The following F7 variants were observed in gnomAD, a reference collection of about 807,000 sequenced individuals.
F7 encodes FVII coagulation protein.
A neutral mutation model predicts 47.5 loss-of-function variants in F7; 38 were observed. That is an observed-to-expected ratio of 0.80 (90% confidence interval 0.62 to 1.05). The LOEUF (loss-of-function observed/expected upper bound fraction) is 1.05, where lower values mean the gene tolerates loss of function less well. F7 is among the 50% of genes least tolerant of loss of function. The pLI is 0.00. For missense variants in F7, 575 were observed against 605.4 expected (o/e 0.95, Z 0.53); for synonymous variants, 244 against 258.5 (o/e 0.94, Z 0.54).
At chr13:113,106,159 T>A (rs971423396) in intron 1 of F7, among the ~76,000 whole-genome samples, 1 of 147,168 alleles carries the variant, frequency 6.8e-6, no homozygotes, top group Non-Finnish European at 1.5e-5. Context: ...GGTGCTTTCC[T>A]GGCCCCCATG....
intron 2 of F7, 144 bp downstream of exon 2, chr13:113,110,994 C>T: frequency 5.4e-6 from 5 of 934,456 alleles, no homozygotes; most frequent in Non-Finnish European, 7.6e-6. Flanking sequence ...CTGCGGGGGT[C>T]GCTTTCCGCC....
At chr13:113,110,476 A>G in intron 1 of F7, 1 of 564,032 alleles carries the variant, frequency 1.8e-6, no homozygotes, top group South Asian at 2.3e-5. Flanking sequence ...AGCCCCCGGA[A>G]GCAGAGAGGC....
chr13:113,112,230 TCA>T (rs2036114917), intron 2 of F7, among the ~76,000 whole-genome samples: 1 of 135,568 alleles, frequency 7.4e-6, no homozygotes, highest in Non-Finnish European at 1.6e-5. Flanking sequence ...AGAGGTCACC[TCA>T]CACCCACAGG....
chr13:113,118,287 G>T, intron 7 of F7, 126 bp from the exon 8 acceptor site: 1 of 1,104,592 alleles, frequency 9.1e-7, no homozygotes, highest in South Asian at 1.5e-5. Flanking sequence ...TTAGATGCAG[G>T]TCCCCTTGCC....
In F7 at chr13:113,119,711, ACACACACACCAATGCG is replaced by A. The variant is rs1270880930; in HGVS notation, c.*714_*729del. On this transcript the variant is annotated 3_prime_UTR_variant, in exon 8 of 8. Coordinates refer to ENST00000346342, the MANE Select transcript of F7 (RefSeq NM_019616.4). ...CAGATATGCACACACATGGATGAGC[ACACACACACCAATGCG>A]CACACACACCGATGTACACACACAG... The A allele has an allele frequency of 6.5e-6, 1 of 153,698 alleles. No individual in the cohort carries two copies. The highest frequency in any genetic ancestry group is 1.4e-5 in the Non-Finnish European group (1 of 69,220). 9.5% of individuals were successfully genotyped at this position (153,698 alleles called of 1,614,324 possible).
chr13:113,115,944 G>A, intron 5 of F7, 144 bp downstream of exon 5: 2 of 1,277,536 alleles, frequency 1.6e-6, no homozygotes, highest in South Asian at 2.6e-5. Flanking sequence ...GTGGGATCTG[G>A]GCACCAAGGG....
rs117025399 is a variant in F7 at position 113,120,391 on chromosome 13, C to T, written c.*1383C>T. ...GGTGGTGGAAGAAGAATGAGAAACA[C>T]ATGAACAGAGAAATGGGGAGGTGAC... On this transcript the variant is annotated 3_prime_UTR_variant, in exon 8 of 8. Coordinates refer to ENST00000346342, the MANE Select transcript of F7 (RefSeq NM_019616.4). The T allele has an allele frequency of 2.0e-4, 30 of 152,780 alleles. No individual in the cohort carries two copies. Among genetic ancestry groups the T allele is most frequent in the Non-Finnish European group, 4.1e-4 (28 of 68,264 alleles). The allele number at this position is 152,780 out of a possible 1,614,324, so 9.5% of individuals were successfully genotyped here.
intron 7 of F7, among the ~76,000 whole-genome samples, 171 bp downstream of exon 7, chr13:113,117,767 C>G (rs947328501): frequency 1.4e-5 from 2 of 141,986 alleles, no homozygotes; most frequent in Non-Finnish European, 3.0e-5. Flanking sequence ...CTCCGCTGTC[C>G]GACCGCGGTG....
chr13:113,109,751 G>A (rs1319225198), intron 1 of F7, among the ~76,000 whole-genome samples: 6 of 152,150 alleles, frequency 3.9e-5, no homozygotes, highest in East Asian at 1.9e-4. Flanking sequence ...CTCCCCTCGC[G>A]GGCTGAGGCA....
rs762206325 is a variant in F7, at chr13:113,113,657, A to G, written c.226-95A>G. On this transcript the variant is annotated intron_variant, in intron 2 of 7. Transcript: ENST00000346342. The surrounding 1 kb of genome is among the most constrained non-coding windows in gnomAD (Gnocchi z 4.1). ...GCCCACCCCGCCAGACCCAGGTCCA[A>G]GTCCCCCAACCCCAGTTCATGGTGT... is the stretch of plus-strand genomic sequence containing the variant. 1.4e-5 allele frequency: 18 copies of G among 1,323,938 alleles called. No individual in the cohort carries two copies. The highest frequency in any genetic ancestry group is 1.4e-5 in the African/African-American group (1 of 69,416). The allele number at this position is 1,323,938 out of a possible 1,614,324, so 82.0% of individuals were successfully genotyped here.
chr13:113,112,639 A>C (rs2036123844), intron 2 of F7, among the ~76,000 whole-genome samples: 1 of 147,636 alleles, frequency 6.8e-6, no homozygotes, highest in Non-Finnish European at 1.5e-5. Flanking sequence ...CTTCACACTC[A>C]GGTCACCTCA....
At chr13:113,107,344 CGTGGGTGTCCCGGGAGT>C (rs2035984945) in intron 1 of F7, among the ~76,000 whole-genome samples, 1 of 16,874 alleles carries the variant, frequency 5.9e-5, no homozygotes, top group African/African-American at 2.3e-4. Flanking sequence ...GTCCCGGGGG[CGTGGGTGTCCCGGGAGT>C]GTGGGTGTCC....
At chr13:113,109,604 G>A (rs2036050057) in intron 1 of F7, among the ~76,000 whole-genome samples, 1 of 152,150 alleles carries the variant, frequency 6.6e-6, no homozygotes, top group Admixed American at 6.5e-5. Context: ...GCGTCCACCT[G>A]AGGCCTCGTC....
At chr13:113,111,851 A>ACT (rs1566907264) in intron 2 of F7, among the ~76,000 whole-genome samples, 1 of 89,440 alleles carries the variant, frequency 1.1e-5, no homozygotes. Flanking sequence ...GACACCTCAC[A>ACT]CAGGGCACAC....
chr13:113,110,748 G>C lies in F7; in HGVS notation c.123G>C (p.Ala41=). Residue 41 remains alanine (A), a synonymous_variant, in exon 2 of 8, where the codon GCG becomes GCC. Transcript: ENST00000346342. ...GVLHRRRRAN[A]FLEELRPGSL... Reference sequence around the variant, plus strand: ...TGCACCGGCGCCGGCGCGCCAACGCGTTCCTGGAGGAGCTGCGGCCGGGCT... The same window carrying C: ...TGCACCGGCGCCGGCGCGCCAACGCCTTCCTGGAGGAGCTGCGGCCGGGCT... 1.3e-6 allele frequency: 2 copies of C among 1,549,174 alleles called. No individual in the cohort carries two copies. The highest frequency in any genetic ancestry group is 1.4e-5 in the African/African-American group (1 of 73,098).
rs553905994 is a variant in F7 at position 113,112,903 on chromosome 13, C to T, written c.226-849C>T. ...ACTTCACTCCCACAGGTCACCATACCTCACACAGATCACCTCATACTCACA... is the reference window on the plus strand; with the variant it reads ...ACTTCACTCCCACAGGTCACCATACTTCACACAGATCACCTCATACTCACA... On this transcript the variant is annotated intron_variant, in intron 2 of 7. Coordinates refer to ENST00000346342, the MANE Select transcript of F7 (RefSeq NM_019616.4). 3.9e-4 allele frequency among the ~76,000 whole-genome samples: 59 copies of T among 150,156 alleles called. 1 individual carries two copies. The highest frequency in any genetic ancestry group is 1.4e-3 in the African/African-American group (58 of 40,300).
At position 113,118,393 on chromosome 13, in the gene F7, G is replaced by A. The variant is rs6041; in HGVS notation, c.740-20G>A. The A allele has an allele frequency of 0.12, 184,419 of 1,579,270 alleles. 12,714 individuals are homozygous for A. Among genetic ancestry groups the A allele is most frequent in the South Asian group, 0.28 (24,365 of 88,022 alleles). On this transcript the variant is annotated intron_variant, in intron 7 of 7. Coordinates refer to ENST00000346342, the MANE Select transcript of F7 (RefSeq NM_019616.4). ...GTGGCAGGTGGTGGAAAGGGCCTGAGGGGGGCTTCTTCCTTCCAGGCGAGC... is the reference window on the plus strand; with the variant it reads ...GTGGCAGGTGGTGGAAAGGGCCTGAAGGGGGCTTCTTCCTTCCAGGCGAGC...
chr13:113,112,283 C>T (rs927126445), intron 2 of F7, among the ~76,000 whole-genome samples: 3 of 146,080 alleles, frequency 2.1e-5, no homozygotes, highest in Admixed American at 1.4e-4. Flanking sequence ...TACAGGACAA[C>T]TCACACTCAC....
At position 113,105,913 on chromosome 13, in the gene F7, CG is replaced by C; in HGVS notation, c.64+12del. On this transcript the variant is annotated intron_variant, in intron 1 of 7. Coordinates refer to ENST00000346342, the MANE Select transcript of F7 (RefSeq NM_019616.4). ...AGGGCTGCCTGGCTGCAGGTGCGTC[CG>C]GGGAGGTTTTCTCCATAAACTTGGT... is the stretch of plus-strand genomic sequence containing the variant. The C allele has an allele frequency of 1.9e-6, 3 of 1,581,364 alleles. No homozygotes were observed. The highest frequency in any genetic ancestry group is 2.6e-6 in the Non-Finnish European group (3 of 1,163,870).
Sources: gnomAD v4.1 joint callset for allele counts (sites outside exome capture counted in the v4.1 genomes callset) on GRCh38, gnomAD v4.1.1 for gene constraint, Gnocchi (gnomAD v3.1) non-coding constraint, MANE v1.5 for transcripts, NCBI Gene and HGNC (gene_info 2026-07-23, HGNC 2026-07-21) for gene names.